Variants in PREP observed in about 807,000 individuals in gnomAD.
The protein encoded by PREP is dJ355L5.1 (prolyl endopeptidase).
In PREP, 29 loss-of-function variants were observed where a neutral mutation model predicts 87.6. That is an observed-to-expected ratio of 0.33 (90% CI 0.25 to 0.45). The LOEUF is 0.45. Ranked by LOEUF, PREP falls within the 20% of genes least tolerant of loss-of-function variation. The pLI is 1.00. For missense variants in PREP, 695 were observed against 886.5 expected (o/e 0.78, Z 2.74); for synonymous variants, 337 against 328.6 (o/e 1.03, Z -0.28).
intron 14 of PREP, among the ~76,000 whole-genome samples, chr6:105,279,384 G>GTCTT (rs1255034236): frequency 6.6e-6 from 1 of 152,126 alleles, no homozygotes; most frequent in Admixed American, 6.6e-5. Flanking sequence ...ATTTAAGAGT[G>GTCTT]TCTTTTGACC....
chr6:105,392,733 T>C (rs372041839), intron 2 of PREP, among the ~76,000 whole-genome samples: 89 of 152,324 alleles, frequency 5.8e-4, no homozygotes, highest in African/African-American at 2.0e-3. Flanking sequence ...TGTGCCGCCA[T>C]GCACGGCTAA....
chr6:105,284,085 C>T (rs530589468), intron 12 of PREP, among the ~76,000 whole-genome samples: 4 of 152,276 alleles, frequency 2.6e-5, no homozygotes, highest in Admixed American at 6.5e-5. Context: ...ATATGGTATA[C>T]AGAAATTTTA....
At chr6:105,317,904 A>C (rs1242620014) in intron 10 of PREP, among the ~76,000 whole-genome samples, 2 of 152,206 alleles carry the variant, frequency 1.3e-5, no homozygotes, top group Non-Finnish European at 2.9e-5. Flanking sequence ...TGCCTCCTTA[A>C]CAGGTGCTTC....
chr6:105,277,150 G>A lies in PREP; in HGVS notation c.*994C>T, dbSNP rs1023936123. On this transcript the variant is annotated 3_prime_UTR_variant, in exon 15 of 15. Transcript: ENST00000652536. ...TATATCTTAAAAATCTTGGGGGTGG[G>A]CAAACCAAAACTTTTTTTTTTTTTT... Among the ~76,000 whole-genome samples the A allele has an allele frequency of 2.0e-5, 3 of 147,658 alleles. No homozygotes were observed. Among genetic ancestry groups the A allele is most frequent in the African/African-American group, 5.1e-5 (2 of 38,868 alleles).
intron 7 of PREP, among the ~76,000 whole-genome samples, chr6:105,343,108 G>A (rs1433488342): frequency 2.5e-4 from 38 of 151,946 alleles, no homozygotes; most frequent in African/African-American, 7.3e-4. Context: ...GAGGCATCAC[G>A]CTACCTGACT....
intron 2 of PREP, among the ~76,000 whole-genome samples, chr6:105,384,564 T>C (rs1388836394): frequency 6.6e-6 from 1 of 152,210 alleles, no homozygotes; most frequent in Non-Finnish European, 1.5e-5. Flanking sequence ...GCTAACTCCC[T>C]TCCACGTTGT....
At chr6:105,358,132 T>A (rs181856928) in intron 6 of PREP, among the ~76,000 whole-genome samples, 5 of 152,086 alleles carry the variant, frequency 3.3e-5, no homozygotes, top group Admixed American at 2.0e-4. Context: ...TTAAACAAAT[T>A]TTCCTTAAGT....
chr6:105,373,282 C>G (rs1671633719), intron 5 of PREP, 87 bp downstream of exon 5: 1 of 1,410,328 alleles, frequency 7.1e-7, no homozygotes, highest in Admixed American at 1.7e-5. Context: ...CACACAACCT[C>G]TATGTAGGGT....
chr6:105,327,210 C>A (rs979561575), intron 9 of PREP, among the ~76,000 whole-genome samples: 1 of 152,094 alleles, frequency 6.6e-6, no homozygotes, highest in South Asian at 2.1e-4. Context: ...TAACTGTGGG[C>A]CCTGCAGCAG....
chr6:105,394,594 T>C (rs1044670778), intron 2 of PREP, among the ~76,000 whole-genome samples: 2 of 152,176 alleles, frequency 1.3e-5, no homozygotes, highest in African/African-American at 4.8e-5. Flanking sequence ...AACTGAAAAT[T>C]TGGTGAGTTC....
At chr6:105,378,241 T>TCCC (rs1460192916) in intron 2 of PREP, among the ~76,000 whole-genome samples, 1 of 152,166 alleles carries the variant, frequency 6.6e-6, no homozygotes, top group Non-Finnish European at 1.5e-5. Flanking sequence ...GGTGGATCAC[T>TCCC]TGAGGCCAGA....
At chr6:105,390,427 A>G (rs1773110488) in intron 2 of PREP, among the ~76,000 whole-genome samples, 1 of 152,160 alleles carries the variant, frequency 6.6e-6, no homozygotes, top group South Asian at 2.1e-4. Flanking sequence ...TGTTACTCTC[A>G]TTTTGCCCAG....
intron 2 of PREP, among the ~76,000 whole-genome samples, chr6:105,393,886 G>A (rs1773224208): frequency 6.6e-6 from 1 of 150,484 alleles, no homozygotes; most frequent in Admixed American, 6.6e-5. Flanking sequence ...GTCCTGACTG[G>A]TTTTATGTAA....
intron 10 of PREP, among the ~76,000 whole-genome samples, chr6:105,314,386 C>T (rs1269141750): frequency 1.3e-5 from 2 of 152,210 alleles, no homozygotes; most frequent in African/African-American, 4.8e-5. Flanking sequence ...TAGCATTTTG[C>T]TCACAGTAGA....
intron 10 of PREP, among the ~76,000 whole-genome samples, chr6:105,295,151 G>T (rs1583039917): frequency 9.8e-6 from 1 of 102,378 alleles, no homozygotes; most frequent in African/African-American, 4.0e-5. Flanking sequence ...AGTTTCCAAT[G>T]TTTTCCTTTT....
chr6:105,365,756 G>A (rs943824231), intron 6 of PREP, among the ~76,000 whole-genome samples: 2 of 152,130 alleles, frequency 1.3e-5, no homozygotes, highest in South Asian at 2.1e-4. Context: ...GGAAGTCTAC[G>A]CCCACTTCTT....
chr6:105,383,668 T>C (rs1463900674), intron 2 of PREP, among the ~76,000 whole-genome samples: 1 of 152,170 alleles, frequency 6.6e-6, no homozygotes, highest in African/African-American at 2.4e-5. Context: ...TCCACCTCTC[T>C]GCTTGTCCCC....
chr6:105,296,399 CTT>C (rs753643790), intron 10 of PREP, among the ~76,000 whole-genome samples: 5 of 150,056 alleles, frequency 3.3e-5, no homozygotes, highest in Non-Finnish European at 7.4e-5. Context: ...TTTTTTTTAA[CTT>C]TCTCTGTGGT....
At chr6:105,356,811 C>T (rs1330832162) in intron 6 of PREP, among the ~76,000 whole-genome samples, 1 of 152,224 alleles carries the variant, frequency 6.6e-6, no homozygotes. Context: ...GTTATATCAT[C>T]ATGTCCAGAA....
Sources: gnomAD v4.1 joint callset for allele counts (sites outside exome capture counted in the v4.1 genomes callset) on GRCh38, gnomAD v4.1.1 for gene constraint, MANE v1.5 for transcripts, NCBI Gene and HGNC (gene_info 2026-07-23, HGNC 2026-07-21) for gene names.